Variants in PDE1A observed in about 807,000 individuals in gnomAD.
PDE1A encodes phosphodiesterase 1A.
A neutral mutation model predicts 61.7 loss-of-function variants in PDE1A; 35 were observed. The observed-to-expected ratio is 0.57, with a 90% CI of 0.43 to 0.75. PDE1A has a LOEUF of 0.75. Among genes scored for constraint, PDE1A ranks in the 30% least tolerant of loss-of-function variants. The pLI is 0.00. For synonymous variants in PDE1A, 232 were observed against 213.2 expected (o/e 1.09, Z -0.77); for missense variants, 597 against 630.6 (o/e 0.95, Z 0.57).
Position 182,242,174 on chromosome 2 carries a change from A to G in PDE1A, c.168-1882T>C, listed in dbSNP as rs552470447. The G allele has an allele frequency of 2.5e-5, 18 of 731,908 alleles. No individual in the cohort carries two copies. In the South Asian group the frequency reaches 7.2e-4, roughly 29 times the overall value. The allele number at this position is 731,908 out of a possible 1,614,324, so 45.3% of individuals were successfully genotyped here. A position where few individuals can be genotyped will look rare whatever the true frequency, so the allele number is the denominator to read the frequency against. ...TGGCTGATGGTGCCAATTCCTCCACAGTAAATTTCATGTTGATGGCTTTAA... is the reference window on the plus strand; with the variant it reads ...TGGCTGATGGTGCCAATTCCTCCACGGTAAATTTCATGTTGATGGCTTTAA... On this transcript the variant is annotated intron_variant, in intron 2 of 13. Coordinates refer to ENST00000351439, the Ensembl canonical transcript of PDE1A.
chr2:182,201,659 A>AAAC, intron 9 of PDE1A, 29 bp downstream of exon 9: 1 of 1,549,170 alleles, frequency 6.5e-7, no homozygotes, highest in Middle Eastern at 1.7e-4. Context: ...ACAAAAAAAA[A>AAAC]AAAACAACAA....
chr2:182,540,571 CAAAT>C, the PDE1A span, among the ~76,000 whole-genome samples: 11 of 152,008 alleles, frequency 7.2e-5, no homozygotes, highest in African/African-American at 9.7e-5. Flanking sequence ...CTTCTTAAAA[CAAAT>C]AGTGTCTGAG....
chr2:182,636,005 G>T, the PDE1A span, among the ~76,000 whole-genome samples: 1 of 126,848 alleles, frequency 7.9e-6, no homozygotes, highest in Non-Finnish European at 1.6e-5. Context: ...GCCCAGGCCG[G>T]ACTGCAGTGG....
intron 1 of PDE1A, among the ~76,000 whole-genome samples, chr2:182,380,870 G>A (rs1305753331): frequency 6.6e-6 from 1 of 152,186 alleles, no homozygotes. Context: ...GCTGGGCCAT[G>A]ACCAGTTACT....
At chr2:182,212,475 C>CA (rs766695759) in intron 7 of PDE1A, among the ~76,000 whole-genome samples, 2 of 152,266 alleles carry the variant, frequency 1.3e-5, no homozygotes, top group Middle Eastern at 3.4e-3. Context: ...ACGCAGAAGA[C>CA]GGTGATTTCT....
the PDE1A span, among the ~76,000 whole-genome samples, chr2:182,647,813 A>T: frequency 6.6e-6 from 1 of 152,204 alleles, no homozygotes; most frequent in Non-Finnish European, 1.5e-5. Flanking sequence ...CGAAACCCAA[A>T]TTACACAGTG....
chr2:182,272,139 T>C (rs549149613), intron 1 of PDE1A, among the ~76,000 whole-genome samples: 12 of 152,052 alleles, frequency 7.9e-5, no homozygotes, highest in African/African-American at 2.9e-4. Flanking sequence ...ATCCAGCTAA[T>C]TGGGGTTCTA....
chr2:182,675,330 AC>A, the PDE1A span, among the ~76,000 whole-genome samples: 1 of 152,046 alleles, frequency 6.6e-6, no homozygotes, highest in Non-Finnish European at 1.5e-5. Context: ...GTGTATATTT[AC>A]CACATTTTCT....
In PDE1A at chr2:182,253,216, C is replaced by G. The variant is rs1405313704; in HGVS notation, c.167+11085G>C. Among the ~76,000 whole-genome samples the G allele has an allele frequency of 3.9e-5, 6 of 152,186 alleles. No homozygotes were observed. In the East Asian group the frequency reaches 5.8e-4, roughly 15 times the overall value. On this transcript the variant is annotated intron_variant, in intron 2 of 13. Coordinates refer to ENST00000351439, the Ensembl canonical transcript of PDE1A. ...GAACATGAATTTGGAGCAAGTCCAA[C>G]CTACCTGGCTGTAAGAATGCTGTCA... is the stretch of plus-strand genomic sequence containing the variant.
chr2:182,403,990 AAAAT>A (rs1368004878), intron 1 of PDE1A, among the ~76,000 whole-genome samples: 12 of 152,134 alleles, frequency 7.9e-5, no homozygotes, highest in Non-Finnish European at 1.8e-4. Flanking sequence ...AATAAAAAAT[AAAAT>A]AAAATAAAAG....
intron 1 of PDE1A, among the ~76,000 whole-genome samples, chr2:182,380,486 A>G (rs1262775259): frequency 1.3e-5 from 2 of 151,932 alleles, no homozygotes; most frequent in Non-Finnish European, 2.9e-5. Context: ...TTGCCCACTC[A>G]CGGCAATGTG....
the PDE1A span, among the ~76,000 whole-genome samples, chr2:182,598,503 C>T: frequency 2.0e-5 from 3 of 149,552 alleles, no homozygotes; most frequent in Non-Finnish European, 3.0e-5. Context: ...ATCTGGGAGG[C>T]GGAGGTTGCA....
the PDE1A span, among the ~76,000 whole-genome samples, chr2:182,545,402 C>T: frequency 6.6e-6 from 1 of 152,238 alleles, no homozygotes; most frequent in African/African-American, 2.4e-5. Context: ...TTGTTGCCCT[C>T]TTCCCTGCTC....
At chr2:182,200,556 G>C (rs1161735510) in intron 10 of PDE1A, among the ~76,000 whole-genome samples, 1 of 152,210 alleles carries the variant, frequency 6.6e-6, no homozygotes, top group Non-Finnish European at 1.5e-5. Flanking sequence ...CTGCATCCAA[G>C]ACCCTCCCAG....
intron 1 of PDE1A, among the ~76,000 whole-genome samples, chr2:182,278,480 A>G (rs1425877777): frequency 6.6e-6 from 1 of 152,070 alleles, no homozygotes; most frequent in Non-Finnish European, 1.5e-5. Context: ...GAGTCTTTAA[A>G]GAAGTATCAT....
intron 13 of PDE1A, among the ~76,000 whole-genome samples, chr2:182,171,803 T>C (rs1692241828): frequency 6.6e-6 from 1 of 151,104 alleles, no homozygotes; most frequent in Non-Finnish European, 1.5e-5. Context: ...TGAGAGCTGT[T>C]CCATACCTTG....
At chr2:182,424,150 G>A (rs1201406625) in intron 1 of PDE1A, among the ~76,000 whole-genome samples, 1 of 151,980 alleles carries the variant, frequency 6.6e-6, no homozygotes, top group Non-Finnish European at 1.5e-5. Flanking sequence ...TCACCATGTT[G>A]CCCAGGGTAG....
chr2:182,399,471 T>C (rs186376625), intron 1 of PDE1A, among the ~76,000 whole-genome samples: 1 of 152,204 alleles, frequency 6.6e-6, no homozygotes, highest in East Asian at 1.9e-4. Context: ...TACATGCTTA[T>C]TGTAAAAGGT....
At chr2:182,452,036 T>A (rs555984622) in intron 2 of PDE1A, among the ~76,000 whole-genome samples, 7 of 152,156 alleles carry the variant, frequency 4.6e-5, no homozygotes, top group African/African-American at 1.7e-4. Context: ...AAATATTCCA[T>A]CAAATTATCC....
Sources: allele counts gnomAD v4.1 joint callset (sites outside exome capture counted in the v4.1 genomes callset), GRCh38; gene constraint gnomAD v4.1.1; transcripts MANE v1.5; gene names NCBI Gene and HGNC (gene_info 2026-07-23, HGNC 2026-07-21).